The following MYO1D variants were observed in gnomAD, a reference collection of about 807,000 sequenced individuals.
The protein encoded by MYO1D is unconventional myosin-Id.
Under a neutral mutation model 122.0 loss-of-function variants are expected in MYO1D, and 83 were observed. That is an observed-to-expected ratio of 0.68 (90% CI 0.57 to 0.82). The LOEUF is 0.82. MYO1D is among the 40% of genes least tolerant of loss of function. The pLI is 0.00. For missense variants in MYO1D, 1,157 were observed against 1,269.5 expected, an observed-to-expected ratio of 0.91 and a Z score of 1.35; for synonymous variants, 464 against 446.9, an observed-to-expected ratio of 1.04 and a Z score of -0.48.
intron 15 of MYO1D, among the ~76,000 whole-genome samples, chr17:32,718,314 A>G (rs753318854): frequency 2.0e-5 from 3 of 152,154 alleles, no homozygotes; most frequent in Non-Finnish European, 4.4e-5. Flanking sequence ...GCTAACCACT[A>G]TTCTGATTTC....
intron 21 of MYO1D, among the ~76,000 whole-genome samples, chr17:32,503,329 G>A (rs1909383550): frequency 6.6e-6 from 1 of 152,196 alleles, no homozygotes; most frequent in Admixed American, 6.5e-5. Flanking sequence ...GGCAGCCCTG[G>A]CTCAGCTGGG....
chr17:32,548,965 C>T (rs1297660986), intron 21 of MYO1D, among the ~76,000 whole-genome samples: 6 of 152,060 alleles, frequency 3.9e-5, no homozygotes, highest in South Asian at 2.1e-4. Flanking sequence ...CCACCTGCCT[C>T]GGCCTCCAAA....
intron 21 of MYO1D, among the ~76,000 whole-genome samples, chr17:32,524,238 T>C (rs1167825708): frequency 6.6e-6 from 1 of 152,248 alleles, no homozygotes; most frequent in Non-Finnish European, 1.5e-5. Flanking sequence ...ATTTTGCTTT[T>C]GTCTTTGGTG....
Position 32,784,036 on chromosome 17 carries a change from T to C in MYO1D, c.96-3252A>G, listed in dbSNP as rs149607904. ...TTGTACATAAATAACAACAATATAGTATGATAGGTAAGGTAATAAAAGCAT... is the reference window on the plus strand; with the variant it reads ...TTGTACATAAATAACAACAATATAGCATGATAGGTAAGGTAATAAAAGCAT... On this transcript the variant is annotated intron_variant, in intron 1 of 21. Coordinates refer to ENST00000318217, the MANE Select transcript of MYO1D (RefSeq NM_015194.3). Among the ~76,000 whole-genome samples, 596 of 152,294 alleles carry C rather than the reference T, an allele frequency of 3.9e-3. 3 individuals carry two copies. The highest frequency in any genetic ancestry group is 0.014 in the African/African-American group (564 of 41,546).
At chr17:32,831,072 T>C (rs2090767561) in intron 1 of MYO1D, among the ~76,000 whole-genome samples, 1 of 151,934 alleles carries the variant, frequency 6.6e-6, no homozygotes. Context: ...AAAAAAATAC[T>C]GACATGAGTG....
At chr17:32,507,763 C>A (rs1909548463) in intron 21 of MYO1D, among the ~76,000 whole-genome samples, 1 of 152,136 alleles carries the variant, frequency 6.6e-6, no homozygotes, top group Non-Finnish European at 1.5e-5. Context: ...GGAGCAGGGC[C>A]TTGATCTGAC....
At chr17:32,514,578 C>T (rs1354811774) in intron 21 of MYO1D, among the ~76,000 whole-genome samples, 1 of 152,220 alleles carries the variant, frequency 6.6e-6, no homozygotes, top group Non-Finnish European at 1.5e-5. Flanking sequence ...TAGCAGGTCA[C>T]ACTCTCCAAA....
At chr17:32,568,033 C>T (rs1040813442) in intron 21 of MYO1D, among the ~76,000 whole-genome samples, 1 of 151,976 alleles carries the variant, frequency 6.6e-6, no homozygotes, top group Non-Finnish European at 1.5e-5. Context: ...TAATGGTGAG[C>T]GGCAGCTTCC....
chr17:32,542,246 C>T (rs1336127823), intron 21 of MYO1D, among the ~76,000 whole-genome samples: 4 of 152,140 alleles, frequency 2.6e-5, no homozygotes, highest in Non-Finnish European at 5.9e-5. Context: ...ATGGCACCAG[C>T]AGTTATAACA....
chr17:32,793,216 A>G (rs997592518), intron 1 of MYO1D, among the ~76,000 whole-genome samples: 7 of 150,946 alleles, frequency 4.6e-5, no homozygotes, highest in African/African-American at 1.2e-4. Context: ...TAGTTACTAG[A>G]AGAATAAGAC....
rs3040377 is a variant in MYO1D at position 32,603,070 on chromosome 17, TAA to T, written c.2864+2015_2864+2016del. The stretch of plus-strand genomic sequence containing the variant: ...TTCATAAGATAGAAACACCAAGAAT[TAA>T]AAAAAAAAAATCCACCAAAAAATTC... On this transcript the variant is annotated intron_variant, in intron 21 of 21. Coordinates refer to ENST00000318217, the MANE Select transcript of MYO1D (RefSeq NM_015194.3). Among the ~76,000 whole-genome samples, 138 of 148,472 alleles carry T rather than the reference TAA, an allele frequency of 9.3e-4. 3 individuals carry two copies. The East Asian group carries it at 0.014, about 16-fold the overall frequency.
chr17:32,660,571 A>G (rs1374607001), intron 16 of MYO1D, among the ~76,000 whole-genome samples: 1 of 152,210 alleles, frequency 6.6e-6, no homozygotes, highest in Non-Finnish European at 1.5e-5. Context: ...TTGTTTGCAC[A>G]CTACGTGCAA....
chr17:32,618,639 CT>C (rs35604698), intron 20 of MYO1D, among the ~76,000 whole-genome samples: 68 of 144,058 alleles, frequency 4.7e-4, no homozygotes, highest in East Asian at 4.1e-4. Flanking sequence ...TTAATTAATT[CT>C]TTTTTTTTTT....
intron 19 of MYO1D, among the ~76,000 whole-genome samples, chr17:32,652,010 T>C (rs2088397912): frequency 1.3e-5 from 2 of 152,282 alleles, no homozygotes; most frequent in East Asian, 3.9e-4. Context: ...TATTACTGTG[T>C]ACATACACAA....
chr17:32,527,179 C>G (rs1266302043), intron 21 of MYO1D, among the ~76,000 whole-genome samples: 1 of 152,198 alleles, frequency 6.6e-6, no homozygotes, highest in Non-Finnish European at 1.5e-5. Flanking sequence ...GGCCTGGGAT[C>G]CAACTTTCTG....
intron 20 of MYO1D, among the ~76,000 whole-genome samples, chr17:32,638,187 G>A (rs997919948): frequency 9.2e-5 from 14 of 152,056 alleles, no homozygotes; most frequent in Non-Finnish European, 1.6e-4. Context: ...AGATACCCAC[G>A]AAATTTCGTA....
At chr17:32,806,282 A>T (rs1382299850) in intron 1 of MYO1D, among the ~76,000 whole-genome samples, 1 of 152,176 alleles carries the variant, frequency 6.6e-6, no homozygotes, top group Non-Finnish European at 1.5e-5. Context: ...AAAAACAAAA[A>T]AAAGTAACCT....
intron 13 of MYO1D, among the ~76,000 whole-genome samples, chr17:32,744,325 C>T: frequency 6.6e-6 from 1 of 152,192 alleles, no homozygotes; most frequent in East Asian, 1.9e-4. Context: ...TCTGACTACC[C>T]TATCTATAAT....
In MYO1D at chr17:32,494,454, G is replaced by C; in HGVS notation, c.*305C>G. 2.8e-6 allele frequency: 1 copy of C among 352,438 alleles called. No homozygotes were observed. The highest frequency in any genetic ancestry group is 3.9e-5 in the South Asian group (1 of 25,740). The allele number at this position is 352,438 out of a possible 1,614,324, so 21.8% of individuals were successfully genotyped here. ...GTGCTCTGACTTGACCTGGCCACGGGGCATCCGCACCAACTAAAGGCACCA... is the reference window on the plus strand; with the variant it reads ...GTGCTCTGACTTGACCTGGCCACGGCGCATCCGCACCAACTAAAGGCACCA... On this transcript the variant is annotated 3_prime_UTR_variant, in exon 22 of 22. Transcript: ENST00000318217.
Sources: gnomAD v4.1 joint callset for allele counts (sites outside exome capture counted in the v4.1 genomes callset) on GRCh38, gnomAD v4.1.1 for gene constraint, MANE v1.5 for transcripts, NCBI Gene and HGNC (gene_info 2026-07-23, HGNC 2026-07-21) for gene names.